Variants in CSMD1 observed in about 807,000 individuals in gnomAD.
The protein encoded by CSMD1 is CUB and Sushi multiple domains 1.
A neutral mutation model predicts 417.5 loss-of-function variants in CSMD1; 213 were observed. The ratio of observed to expected loss-of-function variants is 0.51; its 90% CI spans 0.46 to 0.57. The LOEUF is 0.57. CSMD1 is among the 20% of genes least tolerant of loss of function. The pLI, the probability that CSMD1 is intolerant of heterozygous loss-of-function variation, is 0.00. For synonymous variants in CSMD1, 2,862 were observed against 1,736.8 expected, an observed-to-expected ratio of 1.65 and a Z score of -16.11; for missense variants, 6,923 against 4,529.7, an observed-to-expected ratio of 1.53 and a Z score of -15.17.
chr8:3,903,257 C>A (rs1195660296), intron 5 of CSMD1, among the ~76,000 whole-genome samples: 2 of 151,950 alleles, frequency 1.3e-5, no homozygotes, highest in Non-Finnish European at 2.9e-5. Flanking sequence ...CATGTCGGGT[C>A]AGAACTGGTT....
At chr8:4,009,686 G>C (rs1816394942) in intron 4 of CSMD1, among the ~76,000 whole-genome samples, 1 of 151,970 alleles carries the variant, frequency 6.6e-6, no homozygotes, top group Non-Finnish European at 1.5e-5. Context: ...AGATATTATT[G>C]AGGAAGGAAG....
At chr8:4,295,191 T>C (rs74846808) in intron 3 of CSMD1, among the ~76,000 whole-genome samples, 1,927 of 43,670 alleles carry the variant, frequency 0.044, 170 homozygotes, top group Non-Finnish European at 0.052. Flanking sequence ...CTTAAGATTA[T>C]GCACATATAA....
At chr8:4,263,891 A>G (rs564045226) in intron 3 of CSMD1, among the ~76,000 whole-genome samples, 91 of 152,342 alleles carry the variant, frequency 6.0e-4, no homozygotes, top group African/African-American at 2.1e-3. Context: ...CAGAACAATT[A>G]TAGACACAAT....
At position 4,788,766 on chromosome 8, in the gene CSMD1, A is replaced by T. The variant is rs142230027; in HGVS notation, c.86-151208T>A. 7.4e-3 allele frequency among the ~76,000 whole-genome samples: 1,125 copies of T among 152,326 alleles called. 15 individuals carry two copies. The highest frequency in any genetic ancestry group is 0.013 in the Non-Finnish European group (870 of 68,030). On this transcript the variant is annotated intron_variant, in intron 1 of 69. Coordinates refer to ENST00000635120, the MANE Select transcript of CSMD1 (RefSeq NM_033225.6). Reference sequence around the variant, plus strand: ...ATGAAAACCTAAAAAAAATAAAAAAAAATAAAGGGAAACTATCATGCTTAA... The same window carrying T: ...ATGAAAACCTAAAAAAAATAAAAAATAATAAAGGGAAACTATCATGCTTAA...
At chr8:4,966,024 T>G (rs1382570990) in intron 1 of CSMD1, among the ~76,000 whole-genome samples, 1 of 151,976 alleles carries the variant, frequency 6.6e-6, no homozygotes, top group Non-Finnish European at 1.5e-5. Flanking sequence ...CTTTATGATA[T>G]GCAAGTATTT....
intron 2 of CSMD1, among the ~76,000 whole-genome samples, chr8:4,554,837 G>T (rs1407049063): frequency 6.6e-6 from 1 of 152,154 alleles, no homozygotes; most frequent in Non-Finnish European, 1.5e-5. Context: ...AGTAAGCATT[G>T]ATGGGGTTAA....
intron 12 of CSMD1, among the ~76,000 whole-genome samples, chr8:3,433,278 G>T: frequency 6.6e-6 from 1 of 152,044 alleles, no homozygotes; most frequent in Non-Finnish European, 1.5e-5. Context: ...TTATCTCCAG[G>T]TCTTCTGACC....
At chr8:3,444,155 G>T (rs758932544) in intron 12 of CSMD1, among the ~76,000 whole-genome samples, 2 of 152,102 alleles carry the variant, frequency 1.3e-5, no homozygotes, top group East Asian at 1.9e-4. Context: ...GATTAATATT[G>T]TAAGTGTCCA....
chr8:3,993,209 T>G (rs968453809), intron 5 of CSMD1, among the ~76,000 whole-genome samples: 1 of 152,194 alleles, frequency 6.6e-6, no homozygotes, highest in East Asian at 1.9e-4. Flanking sequence ...ACTCTCTGTG[T>G]TAGTGCTGCA....
intron 3 of CSMD1, among the ~76,000 whole-genome samples, chr8:4,112,063 T>TG (rs1801885361): frequency 6.6e-6 from 1 of 152,184 alleles, no homozygotes; most frequent in African/African-American, 2.4e-5. Context: ...TGCAATTTTG[T>TG]CTGAGGCTAG....
intron 2 of CSMD1, among the ~76,000 whole-genome samples, chr8:4,531,291 T>G (rs1796805603): frequency 6.6e-6 from 1 of 152,160 alleles, no homozygotes; most frequent in Admixed American, 6.5e-5. Context: ...CAAAAATAAC[T>G]AAACCCGATG....
At chr8:3,265,841 A>T (rs1801394169) in intron 26 of CSMD1, among the ~76,000 whole-genome samples, 1 of 151,970 alleles carries the variant, frequency 6.6e-6, no homozygotes, top group Admixed American at 6.6e-5. Flanking sequence ...GACCTGGGTG[A>T]TGCAGTAGCT....
intron 10 of CSMD1, among the ~76,000 whole-genome samples, chr8:3,537,295 G>T (rs1354399982): frequency 6.6e-6 from 1 of 152,170 alleles, no homozygotes; most frequent in Non-Finnish European, 1.5e-5. Context: ...GAGCCATCAT[G>T]CCCGGCCCGC....
intron 3 of CSMD1, among the ~76,000 whole-genome samples, chr8:4,201,927 G>A (rs1255667751): frequency 2.0e-5 from 3 of 147,658 alleles, no homozygotes; most frequent in African/African-American, 7.7e-5. Flanking sequence ...ATGCTCAATA[G>A]CATTTATTCA....
chr8:3,616,577 C>G (rs1049588778), intron 8 of CSMD1, 133 bp downstream of exon 8: 47 of 612,996 alleles, frequency 7.7e-5, no homozygotes, highest in Non-Finnish European at 1.2e-4. Flanking sequence ...TGTGATTACA[C>G]ACATTTAGAG....
chr8:4,332,287 G>A (rs1452451840), intron 3 of CSMD1, among the ~76,000 whole-genome samples: 1 of 152,122 alleles, frequency 6.6e-6, no homozygotes, highest in African/African-American at 2.4e-5. Context: ...TGTGCTCCAA[G>A]CCTCTCTTGG....
chr8:3,668,161 C>T (rs1798801455), intron 7 of CSMD1, among the ~76,000 whole-genome samples: 1 of 152,094 alleles, frequency 6.6e-6, no homozygotes, highest in African/African-American at 2.4e-5. Context: ...CAGGGGTGTG[C>T]AGAGGGGCTG....
chr8:4,173,944 C>G (rs928832648), intron 3 of CSMD1, among the ~76,000 whole-genome samples: 6 of 152,016 alleles, frequency 3.9e-5, no homozygotes, highest in Non-Finnish European at 7.4e-5. Flanking sequence ...TTCCCTCAGC[C>G]TTGAAACAAA....
chr8:4,168,833 G>T (rs370662897), intron 3 of CSMD1, among the ~76,000 whole-genome samples: 4 of 151,852 alleles, frequency 2.6e-5, no homozygotes, highest in African/African-American at 4.8e-5. Context: ...CCGGCTCTCT[G>T]TTGTCTTCAG....
Sources: allele counts gnomAD v4.1 joint callset (sites outside exome capture counted in the v4.1 genomes callset), GRCh38; gene constraint gnomAD v4.1.1; transcripts MANE v1.5; gene names NCBI Gene and HGNC (gene_info 2026-07-23, HGNC 2026-07-21).